The following NTRK3 variants were observed in gnomAD, a reference collection of about 807,000 sequenced individuals.
NTRK3 encodes the protein neurotrophic receptor tyrosine kinase 3, also known as NT-3 growth factor receptor.
NTRK3 carries 24 observed loss-of-function variants against 91.7 expected under a neutral mutation model. The observed-to-expected ratio is 0.26, with a 90% CI of 0.19 to 0.37. NTRK3 has a LOEUF of 0.37. NTRK3 is among the 10% of genes least tolerant of loss of function. The probability of loss-of-function intolerance (pLI) is 1.00; values close to 1 mark genes in which losing one functional copy is unlikely to be tolerated. For synonymous variants in NTRK3, 483 were observed against 404.0 expected, an observed-to-expected ratio of 1.20 and a Z score of -2.34; for missense variants, 880 against 1,068.9, an observed-to-expected ratio of 0.82 and a Z score of 2.46.
intron 13 of NTRK3, among the ~76,000 whole-genome samples, chr15:88,076,799 A>G (rs1336780478): frequency 2.6e-5 from 4 of 152,162 alleles, no homozygotes; most frequent in Non-Finnish European, 4.4e-5. Context: ...ACAGGTTTTA[A>G]AACACTTTTG....
rs28562651 is a variant in NTRK3, at chr15:87,979,321, A to C, written c.1586-38568T>G. 5,775 of 1,536,172 alleles carry C rather than the reference A, an allele frequency of 3.8e-3. 182 individuals carry two copies. The African/African-American group carries it at 0.07, about 19-fold the overall frequency. On this transcript the variant is annotated intron_variant, in intron 14 of 18. Coordinates refer to ENST00000394480, the Ensembl canonical transcript of NTRK3. ...GCCCAGCCTACCAAGGTGACATCAA[A>C]ACAAGGAGGCTTAAAAGGAGTTTTT...
chr15:88,094,674 C>T (rs1415757326), intron 13 of NTRK3, among the ~76,000 whole-genome samples: 1 of 151,934 alleles, frequency 6.6e-6, no homozygotes, highest in Non-Finnish European at 1.5e-5. Flanking sequence ...TAGGGCTGGG[C>T]CATGCACAGA....
At chr15:87,892,456 A>G (rs1206041072) in intron 17 of NTRK3, among the ~76,000 whole-genome samples, 1 of 152,174 alleles carries the variant, frequency 6.6e-6, no homozygotes, top group Non-Finnish European at 1.5e-5. Context: ...TTTTCCATCA[A>G]TTTATCTTTC....
chr15:88,153,965 C>T (rs539481602), intron 5 of NTRK3, among the ~76,000 whole-genome samples: 4 of 152,124 alleles, frequency 2.6e-5, no homozygotes, highest in African/African-American at 4.8e-5. Context: ...GACCATCAGG[C>T]CCTTCTCATG....
intron 14 of NTRK3, among the ~76,000 whole-genome samples, chr15:87,971,174 A>G (rs1274525159): frequency 6.6e-6 from 1 of 152,204 alleles, no homozygotes; most frequent in Non-Finnish European, 1.5e-5. Flanking sequence ...AATATGTTCT[A>G]TATTGGTGGT....
chr15:88,072,455 G>A lies in NTRK3; in HGVS notation c.1397-39410C>T, dbSNP rs180862185. On this transcript the variant is annotated intron_variant, in intron 13 of 18. Transcript: ENST00000394480. The stretch of plus-strand genomic sequence containing the variant: ...GCAACTAGCAATTTATTCCGGAGAG[G>A]GAGAGGTCTCACTCTTCCAAGTCTT... 44 of 229,406 alleles carry A rather than the reference G, an allele frequency of 1.9e-4. No homozygotes were observed. The East Asian group carries it at 2.5e-3, about 13-fold the overall frequency. The allele number at this position is 229,406 out of a possible 1,614,324, so 14.2% of individuals were successfully genotyped here. A position where few individuals can be genotyped will look rare whatever the true frequency, so the allele number is the denominator to read the frequency against.
intron 5 of NTRK3, among the ~76,000 whole-genome samples, chr15:88,159,102 G>A (rs2044198662): frequency 6.6e-6 from 1 of 152,198 alleles, no homozygotes; most frequent in African/African-American, 2.4e-5. Context: ...GGAGCCTGCA[G>A]GGGCAAGAGT....
chr15:87,919,951 T>TA (rs908768149), intron 17 of NTRK3, among the ~76,000 whole-genome samples: 1 of 152,170 alleles, frequency 6.6e-6, no homozygotes, highest in African/African-American at 2.4e-5. Flanking sequence ...CCTCCTATCC[T>TA]AAAAAAATCA....
intron 5 of NTRK3, among the ~76,000 whole-genome samples, chr15:88,162,821 A>G (rs1053228701): frequency 1.3e-5 from 2 of 151,788 alleles, no homozygotes; most frequent in African/African-American, 2.4e-5. Context: ...TTTTTCCAGT[A>G]CCTCCCACCC....
intron 14 of NTRK3, among the ~76,000 whole-genome samples, chr15:87,953,510 G>A (rs2071356906): frequency 1.3e-5 from 2 of 152,216 alleles, no homozygotes; most frequent in South Asian, 4.1e-4. Flanking sequence ...AGGTCAAGTG[G>A]TTTCTGGGAC....
intron 14 of NTRK3, among the ~76,000 whole-genome samples, chr15:88,005,893 G>C (rs1207921483): frequency 6.6e-6 from 1 of 152,134 alleles, no homozygotes; most frequent in African/African-American, 2.4e-5. Context: ...CATCAATATG[G>C]TAAATCCAAG....
Position 87,912,931 on chromosome 15 carries a change from AATAT to A in NTRK3, c.2133+16256_2133+16259del, listed in dbSNP as rs58367924. On this transcript the variant is annotated intron_variant, in intron 17 of 18. Coordinates refer to ENST00000394480, the Ensembl canonical transcript of NTRK3. The stretch of plus-strand genomic sequence containing the variant: ...TTCAACTTTTCAAAAAGTAAAAAAA[AATAT>A]ATATATATATATATATATATATATA... Among the ~76,000 whole-genome samples the A allele has an allele frequency of 9.1e-3, 332 of 36,386 alleles. 2 individuals are homozygous for A. The highest frequency in any genetic ancestry group is 0.011 in the Non-Finnish European group (241 of 21,254). 23.9% of individuals were successfully genotyped at this position (36,386 alleles called of 152,430 possible). A position where few individuals can be genotyped will look rare whatever the true frequency, so the allele number is the denominator to read the frequency against.
intron 17 of NTRK3, among the ~76,000 whole-genome samples, chr15:87,895,928 C>G (rs2066095889): frequency 6.6e-6 from 1 of 152,078 alleles, no homozygotes; most frequent in Non-Finnish European, 1.5e-5. Context: ...AACCAATTGT[C>G]AACCAGAAAA....
At chr15:87,950,100 C>T (rs1393128679) in intron 14 of NTRK3, among the ~76,000 whole-genome samples, 3 of 152,296 alleles carry the variant, frequency 2.0e-5, no homozygotes, top group Admixed American at 6.5e-5. Context: ...TCCCCCAAGC[C>T]GTCCCTGTGA....
At chr15:87,890,352 C>A (rs2065789904) in intron 17 of NTRK3, among the ~76,000 whole-genome samples, 1 of 152,086 alleles carries the variant, frequency 6.6e-6, no homozygotes, top group Non-Finnish European at 1.5e-5. Flanking sequence ...TTATAGTATT[C>A]CTTCTGCATA....
At chr15:88,193,282 C>T (rs1443872930) in intron 3 of NTRK3, among the ~76,000 whole-genome samples, 1 of 152,110 alleles carries the variant, frequency 6.6e-6, no homozygotes, top group Admixed American at 6.5e-5. Flanking sequence ...CCGAGCACAC[C>T]ACTGAACATC....
intron 14 of NTRK3, among the ~76,000 whole-genome samples, chr15:87,973,183 A>C (rs1022207834): frequency 1.3e-5 from 2 of 152,222 alleles, no homozygotes; most frequent in Non-Finnish European, 2.9e-5. Context: ...TAGAAGGAAA[A>C]TGTGCCAAAA....
At chr15:88,138,408 T>G (rs1207697930) in intron 6 of NTRK3, among the ~76,000 whole-genome samples, 1 of 152,136 alleles carries the variant, frequency 6.6e-6, no homozygotes, top group African/African-American at 2.4e-5. Flanking sequence ...AGACTCTGTC[T>G]CAAGAAAAAA....
rs560734165 is a variant in NTRK3, at chr15:88,155,583, G to T, written c.396-8180C>A. ...ATTACAAAAGCAGAGGTGAGCAATT[G>T]CAACAGAGACCAAAATATTTACTAT... On this transcript the variant is annotated intron_variant, in intron 5 of 18. Coordinates refer to ENST00000394480, the Ensembl canonical transcript of NTRK3. Among the ~76,000 whole-genome samples the T allele has an allele frequency of 5.9e-5, 9 of 152,304 alleles. No homozygotes were observed. The South Asian group carries it at 1.9e-3, about 32-fold the overall frequency.
Sources: gnomAD v4.1 joint callset for allele counts (sites outside exome capture counted in the v4.1 genomes callset) on GRCh38, gnomAD v4.1.1 for gene constraint, MANE v1.5 for transcripts, NCBI Gene and HGNC (gene_info 2026-07-23, HGNC 2026-07-21) for gene names.